The following POC1A variants were observed in gnomAD, a reference collection of about 807,000 sequenced individuals.
POC1A encodes POC1 centriolar protein A.
In POC1A, 34 loss-of-function variants were observed where a neutral mutation model predicts 47.8. That is an observed-to-expected ratio of 0.71 (90% CI 0.54 to 0.95). The LOEUF (loss-of-function observed/expected upper bound fraction) is 0.95. Ranked by LOEUF, POC1A falls within the 40% of genes least tolerant of loss-of-function variation. The pLI is 0.00. For missense variants in POC1A, 466 were observed against 528.3 expected, an observed-to-expected ratio of 0.88 and a Z score of 1.16; for synonymous variants, 177 against 207.6, an observed-to-expected ratio of 0.85 and a Z score of 1.27.
chr3:52,115,310 C>T (rs1027413745), intron 9 of POC1A, among the ~76,000 whole-genome samples: 2 of 152,028 alleles, frequency 1.3e-5, no homozygotes, highest in Non-Finnish European at 2.9e-5. Flanking sequence ...AAATTAGGTG[C>T]CAGGATTGGG....
chr3:52,097,115 G>A (rs1041250927), intron 9 of POC1A, among the ~76,000 whole-genome samples: 9 of 152,266 alleles, frequency 5.9e-5, no homozygotes, highest in Admixed American at 5.2e-4. Context: ...GCCTGGGCCT[G>A]AAGTCCCTCC....
intron 10 of POC1A, among the ~76,000 whole-genome samples, chr3:52,093,944 T>C (rs527904340): frequency 9.2e-5 from 14 of 152,286 alleles, no homozygotes; most frequent in African/African-American, 3.4e-4. Flanking sequence ...GGAGACTCTG[T>C]GACTCACTCA....
chr3:52,130,659 G>T (rs145889464), intron 7 of POC1A, among the ~76,000 whole-genome samples: 10 of 152,296 alleles, frequency 6.6e-5, no homozygotes, highest in Non-Finnish European at 1.0e-4. Context: ...TGACCCTCCT[G>T]AGCATCAAAA....
At chr3:52,100,591 G>A (rs970708804) in intron 9 of POC1A, among the ~76,000 whole-genome samples, 5 of 152,208 alleles carry the variant, frequency 3.3e-5, no homozygotes, top group African/African-American at 1.2e-4. Context: ...GAGGAGAAGA[G>A]ACGCCAAATA....
intron 6 of POC1A, among the ~76,000 whole-genome samples, chr3:52,139,397 T>C (rs1698102380): frequency 6.6e-6 from 1 of 152,188 alleles, no homozygotes; most frequent in South Asian, 2.1e-4. Flanking sequence ...CCATCTTTTC[T>C]GGTGTCCCTC....
intron 10 of POC1A, among the ~76,000 whole-genome samples, chr3:52,089,530 A>T (rs760566425): frequency 2.0e-5 from 3 of 152,042 alleles, no homozygotes; most frequent in Non-Finnish European, 2.9e-5. Flanking sequence ...GGCTACATCC[A>T]CTCTGGACCA....
At chr3:52,140,954 T>G (rs735768) in intron 6 of POC1A, among the ~76,000 whole-genome samples, 39,686 of 152,198 alleles carry the variant, frequency 0.26, 6,423 homozygotes, top group East Asian at 0.45. Flanking sequence ...TCCACTTTTT[T>G]TCAAGTCCAA....
intron 9 of POC1A, among the ~76,000 whole-genome samples, chr3:52,116,911 G>C (rs560453961): frequency 6.4e-4 from 98 of 152,212 alleles, no homozygotes; most frequent in Non-Finnish European, 2.8e-4. Context: ...AATTAGGCCA[G>C]GTGCGGTGGC....
chr3:52,128,818 T>C (rs1011429392), intron 7 of POC1A, among the ~76,000 whole-genome samples: 2 of 152,192 alleles, frequency 1.3e-5, no homozygotes, highest in Non-Finnish European at 2.9e-5. Context: ...GTATTTTCAA[T>C]TTTTTTGGTT....
chr3:52,097,099 A>C (rs1033273090), intron 9 of POC1A, among the ~76,000 whole-genome samples: 1 of 152,258 alleles, frequency 6.6e-6, no homozygotes, highest in Non-Finnish European at 1.5e-5. Context: ...GAGATGCTGA[A>C]GCCTGGCCTG....
At position 52,149,898 on chromosome 3, in the gene POC1A, T is replaced by G; in HGVS notation, c.193A>C (p.Thr65Pro). The change falls in exon 3 of 11, where the codon ACC becomes CCC. Residue 65 changes from threonine to proline, a missense_variant. Thr to Pro is a conservative substitution (Grantham distance 38). Coordinates refer to ENST00000296484, the MANE Select transcript of POC1A (RefSeq NM_015426.5). ...YRFTGHKDAV[T>P]CVNFSPSGHL... ...CCCGAAGGAGAGAAGTTCACACAGG[T>G]GACGGCATCCTTGTGGCCAGTGAAG... The G allele has an allele frequency of 6.2e-7, 1 of 1,613,880 alleles. No homozygotes were observed.
intron 1 of POC1A, among the ~76,000 whole-genome samples, chr3:52,152,082 T>G (rs1698576621): frequency 6.6e-6 from 1 of 152,118 alleles, no homozygotes; most frequent in Non-Finnish European, 1.5e-5. Context: ...AAGACCAACC[T>G]GGGCAACACA....
chr3:52,101,966 A>G (rs2106998241), intron 9 of POC1A, among the ~76,000 whole-genome samples: 1 of 152,380 alleles, frequency 6.6e-6, no homozygotes, highest in African/African-American at 2.4e-5. Context: ...TTCAGTTTGT[A>G]TAGTTTCACG....
At position 52,079,330 on chromosome 3, in the gene POC1A, C is replaced by T. The variant is rs1014110253; in HGVS notation, c.1126-3345G>A. Among the ~76,000 whole-genome samples the T allele has an allele frequency of 2.6e-5, 4 of 152,244 alleles. No individual in the cohort carries two copies. The highest frequency in any genetic ancestry group is 7.2e-5 in the African/African-American group (3 of 41,464). On this transcript the variant is annotated intron_variant, in intron 10 of 10. Coordinates refer to ENST00000296484, the MANE Select transcript of POC1A (RefSeq NM_015426.5). The surrounding 1 kb of genome is among the most constrained non-coding windows in gnomAD (Gnocchi z 4.6). ...AGCAGGCTGCTCTCGTCGCCTCATG[C>T]TCCGTCCAGCCCGGGAATTATCCTG...
Position 52,079,920 on chromosome 3 carries a change from T to C in POC1A, c.1126-3935A>G, listed in dbSNP as rs1276679658. 6.6e-6 allele frequency among the ~76,000 whole-genome samples: 1 copy of C among 152,166 alleles called. No homozygotes were observed. Among genetic ancestry groups the C allele is most frequent in the African/African-American group, 2.4e-5 (1 of 41,418 alleles). ...TGGACCTGGTGCTACCCTGGGAACATTCTTAAGTCCTCCATGTAATTGGGG... is the reference window on the plus strand; with the variant it reads ...TGGACCTGGTGCTACCCTGGGAACACTCTTAAGTCCTCCATGTAATTGGGG... On this transcript the variant is annotated intron_variant, in intron 10 of 10. Transcript: ENST00000296484. This position sits in a 1 kb window ranked among gnomAD's most constrained non-coding sequence, Gnocchi z 4.6.
chr3:52,094,937 A>G (rs1702763131), intron 10 of POC1A, among the ~76,000 whole-genome samples: 4 of 152,218 alleles, frequency 2.6e-5, no homozygotes, highest in Admixed American at 1.3e-4. Flanking sequence ...AAAAGTTACT[A>G]TCATACTCCT....
chr3:52,116,040 A>G (rs1703551336), intron 9 of POC1A, among the ~76,000 whole-genome samples: 1 of 152,234 alleles, frequency 6.6e-6, no homozygotes, highest in South Asian at 2.1e-4. Context: ...TAAAAAATCT[A>G]TGAGGCAGAT....
intron 5 of POC1A, 71 bp downstream of exon 5, chr3:52,146,917 G>A (rs1055949821): frequency 5.7e-6 from 7 of 1,238,626 alleles, no homozygotes; most frequent in Admixed American, 3.4e-5. Context: ...AGGCCACTGG[G>A]CCTCCTCATG....
chr3:52,112,646 A>C (rs1703425921), intron 9 of POC1A, among the ~76,000 whole-genome samples: 1 of 152,116 alleles, frequency 6.6e-6, no homozygotes, highest in African/African-American at 2.4e-5. Context: ...TGTCTCAAAA[A>C]ATACCAAAAA....
Sources: gnomAD v4.1 joint callset for allele counts (sites outside exome capture counted in the v4.1 genomes callset) on GRCh38, gnomAD v4.1.1 for gene constraint, Gnocchi (gnomAD v3.1) non-coding constraint, MANE v1.5 for transcripts, NCBI Gene and HGNC (gene_info 2026-07-23, HGNC 2026-07-21) for gene names.